The following MARCHF1 variants were observed in gnomAD, a reference collection of about 807,000 sequenced individuals.
MARCHF1 encodes the protein E3 ubiquitin-protein ligase MARCHF1.
MARCHF1 carries 40 observed loss-of-function variants against 54.2 expected under a neutral mutation model. The ratio of observed to expected loss-of-function variants is 0.74; its 90% CI spans 0.57 to 0.96. The LOEUF (loss-of-function observed/expected upper bound fraction) is 0.96. MARCHF1 is among the 40% of genes least tolerant of loss of function. The pLI is 0.00. For synonymous variants in MARCHF1, 236 were observed against 236.3 expected, an observed-to-expected ratio of 1.00 and a Z score of 0.01; for missense variants, 586 against 656.5, an observed-to-expected ratio of 0.89 and a Z score of 1.17.
chr4:164,207,467 G>T (rs1428928073), intron 1 of MARCHF1, among the ~76,000 whole-genome samples: 1 of 152,212 alleles, frequency 6.6e-6, no homozygotes, highest in Non-Finnish European at 1.5e-5. Flanking sequence ...AATATAAATT[G>T]TGATAGTTTC....
intron 1 of MARCHF1, among the ~76,000 whole-genome samples, chr4:164,357,127 A>AT (rs1314864410): frequency 6.6e-6 from 1 of 151,952 alleles, no homozygotes; most frequent in Non-Finnish European, 1.5e-5. Flanking sequence ...AAGAAAAAAA[A>AT]AAATAAATAA....
chr4:164,302,175 A>G (rs1165774979), intron 1 of MARCHF1, among the ~76,000 whole-genome samples: 1 of 152,174 alleles, frequency 6.6e-6, no homozygotes, highest in Non-Finnish European at 1.5e-5. Context: ...GATACTTCCA[A>G]TTGAGCACTG....
intron 2 of MARCHF1, among the ~76,000 whole-genome samples, chr4:164,008,738 G>C (rs1185812383): frequency 6.6e-6 from 1 of 152,064 alleles, no homozygotes; most frequent in Admixed American, 6.5e-5. Flanking sequence ...AAGAACCAGT[G>C]AGTCAATTGA....
At chr4:163,662,797 AGAAAAAAAAAAATCGTACAATCT>A (rs912148422) in intron 5 of MARCHF1, among the ~76,000 whole-genome samples, 2 of 151,722 alleles carry the variant, frequency 1.3e-5, no homozygotes, top group African/African-American at 4.8e-5. Flanking sequence ...CAGTTCACTG[AGAAAAAAAAAAATCGTACAATCT>A]CTTGTTTGAA....
chr4:164,338,708 C>A lies in MARCHF1; in HGVS notation c.-323+45162G>T, dbSNP rs193079106. Among the ~76,000 whole-genome samples the A allele has an allele frequency of 1.3e-3, 205 of 152,224 alleles. 1 individual carries two copies. The highest frequency in any genetic ancestry group is 4.5e-3 in the African/African-American group (186 of 41,540). On this transcript the variant is annotated intron_variant, in intron 1 of 9. Transcript: ENST00000514618. ...TAAATTCAGGTTGGGTGCGGTGGCT[C>A]ATGCCTGTAATCCCAGCACTTTGGG...
intron 3 of MARCHF1, among the ~76,000 whole-genome samples, chr4:163,862,474 A>C (rs1749960113): frequency 6.6e-6 from 1 of 152,106 alleles, no homozygotes. Flanking sequence ...ATTATATGTC[A>C]TTAAGGAATT....
intron 3 of MARCHF1, among the ~76,000 whole-genome samples, chr4:163,940,353 G>A (rs764307528): frequency 6.6e-6 from 1 of 152,064 alleles, no homozygotes; most frequent in Non-Finnish European, 1.5e-5. Flanking sequence ...TATTTGTACT[G>A]CACTGGTGTT....
intron 5 of MARCHF1, among the ~76,000 whole-genome samples, chr4:163,689,819 A>C (rs1744387571): frequency 6.6e-6 from 1 of 152,246 alleles, no homozygotes. Flanking sequence ...TCATGTCATA[A>C]GTCTACTAAT....
chr4:164,142,080 T>C (rs917892751), intron 1 of MARCHF1, among the ~76,000 whole-genome samples: 2 of 152,066 alleles, frequency 1.3e-5, no homozygotes, highest in Non-Finnish European at 2.9e-5. Flanking sequence ...TGGAAAATCG[T>C]GTCACTCCCA....
chr4:163,967,580 T>C (rs1752467610), intron 3 of MARCHF1, among the ~76,000 whole-genome samples: 2 of 152,300 alleles, frequency 1.3e-5, no homozygotes, highest in South Asian at 4.1e-4. Context: ...CTTCTATTAG[T>C]ACAACATGGA....
At chr4:163,948,362 C>A (rs1752064878) in intron 3 of MARCHF1, among the ~76,000 whole-genome samples, 1 of 152,162 alleles carries the variant, frequency 6.6e-6, no homozygotes, top group Admixed American at 6.5e-5. Flanking sequence ...GAAAGAGCAG[C>A]CTTCTTAGGA....
chr4:164,137,983 T>G (rs1404131876), intron 1 of MARCHF1, among the ~76,000 whole-genome samples: 1 of 152,204 alleles, frequency 6.6e-6, no homozygotes, highest in African/African-American at 2.4e-5. Flanking sequence ...AATTTATTCA[T>G]TGCTTTACTC....
At chr4:164,101,874 T>G (rs1755570785) in intron 2 of MARCHF1, among the ~76,000 whole-genome samples, 1 of 151,762 alleles carries the variant, frequency 6.6e-6, no homozygotes, top group South Asian at 2.1e-4. Flanking sequence ...AAAAAAAATT[T>G]AGAAGAATGT....
At chr4:164,084,197 C>A (rs1755152358) in intron 2 of MARCHF1, among the ~76,000 whole-genome samples, 1 of 151,788 alleles carries the variant, frequency 6.6e-6, no homozygotes, top group African/African-American at 2.4e-5. Flanking sequence ...TGGTTTTTCT[C>A]CTATCAAATT....
intron 3 of MARCHF1, among the ~76,000 whole-genome samples, chr4:163,899,555 T>C (rs1750892174): frequency 6.6e-6 from 1 of 152,272 alleles, no homozygotes; most frequent in South Asian, 2.1e-4. Context: ...CTCTTCTTTT[T>C]ACAGACTTTC....
intron 5 of MARCHF1, among the ~76,000 whole-genome samples, chr4:163,687,256 C>T (rs1269978805): frequency 1.3e-4 from 20 of 149,580 alleles, no homozygotes; most frequent in African/African-American, 4.7e-4. Context: ...GAGATGCCGT[C>T]TTGCTCTGTC....
At chr4:164,170,562 T>G (rs1430159408) in intron 1 of MARCHF1, among the ~76,000 whole-genome samples, 2 of 152,104 alleles carry the variant, frequency 1.3e-5, no homozygotes, top group East Asian at 3.8e-4. Flanking sequence ...AAATGTTTAC[T>G]AAACATTAGC....
chr4:163,651,594 A>G lies in MARCHF1; in HGVS notation c.163-38201T>C, dbSNP rs192824834. Among the ~76,000 whole-genome samples, 151 of 150,706 alleles carry G rather than the reference A, an allele frequency of 1.0e-3. No individual in the cohort carries two copies. In the Middle Eastern group the frequency reaches 0.01, roughly 10 times the overall value. ...TTTTTAAAAGTGGTTTTATACCTAT[A>G]AAAATTCCTTTAGTCATACTTTAGT... On this transcript the variant is annotated intron_variant, in intron 5 of 9. Transcript: ENST00000514618.
intron 3 of MARCHF1, among the ~76,000 whole-genome samples, chr4:163,906,464 A>AT (rs926954406): frequency 6.0e-5 from 9 of 150,312 alleles, no homozygotes; most frequent in South Asian, 4.2e-4. Flanking sequence ...CAATTCAAAT[A>AT]TTTTTTTTTC....
Sources: gnomAD v4.1 joint callset for allele counts (sites outside exome capture counted in the v4.1 genomes callset) on GRCh38, gnomAD v4.1.1 for gene constraint, MANE v1.5 for transcripts, NCBI Gene and HGNC (gene_info 2026-07-23, HGNC 2026-07-21) for gene names.